The following IGF1 variants were observed in gnomAD, a reference collection of about 807,000 sequenced individuals.
IGF1 encodes the protein insulin like growth factor 1, also known as insulin-like growth factor 1.
Under a neutral mutation model 13.8 loss-of-function variants are expected in IGF1, and 4 were observed. That is an observed-to-expected ratio of 0.29 (90% CI 0.14 to 0.66). The LOEUF is 0.66. Among genes scored for constraint, IGF1 ranks in the 30% least tolerant of loss-of-function variants. The probability of loss-of-function intolerance (pLI) is 0.78; values close to 1 mark genes in which losing one functional copy is unlikely to be tolerated. For synonymous variants in IGF1, 76 were observed against 72.6 expected (o/e 1.05, Z -0.23); for missense variants, 124 against 188.5 (o/e 0.66, Z 2.00).
intron 3 of IGF1, among the ~76,000 whole-genome samples, chr12:102,402,928 A>G (rs1199075284): frequency 1.3e-5 from 2 of 152,212 alleles, no homozygotes; most frequent in Admixed American, 1.3e-4. Context: ...AAAAAAATCA[A>G]TCACATTCTG....
At chr12:102,410,651 G>T (rs1175685728) in intron 3 of IGF1, among the ~76,000 whole-genome samples, 2 of 152,162 alleles carry the variant, frequency 1.3e-5, no homozygotes, top group African/African-American at 2.4e-5. Flanking sequence ...GAGATGTGAG[G>T]CCTAGGGTTT....
At chr12:102,428,202 G>T (rs1876383800) in intron 2 of IGF1, among the ~76,000 whole-genome samples, 1 of 92,372 alleles carries the variant, frequency 1.1e-5, no homozygotes, top group South Asian at 3.8e-4. Context: ...ATATCCAGAT[G>T]GTCATGAACG....
chr12:102,419,322 G>T (rs571593183), intron 3 of IGF1, among the ~76,000 whole-genome samples, 187 bp downstream of exon 3: 2 of 152,276 alleles, frequency 1.3e-5, no homozygotes, highest in East Asian at 1.9e-4. Context: ...CGTCCATAGC[G>T]GTGGGAGGGG....
intron 3 of IGF1, chr12:102,417,997 GC>G: frequency 6.2e-7 from 1 of 1,610,036 alleles, no homozygotes; most frequent in South Asian, 1.1e-5. Flanking sequence ...GTAGATGGGG[GC>G]TGATACTGTA....
At chr12:102,470,000 G>A (rs1317353921) in intron 2 of IGF1, among the ~76,000 whole-genome samples, 4 of 152,110 alleles carry the variant, frequency 2.6e-5, no homozygotes, top group Non-Finnish European at 5.9e-5. Flanking sequence ...GAGAAAATGA[G>A]TGTGTAATTA....
At chr12:102,441,957 T>TCTTCTTCTTCTA (rs71438463) in intron 2 of IGF1, among the ~76,000 whole-genome samples, 2 of 134,680 alleles carry the variant, frequency 1.5e-5, no homozygotes, top group Non-Finnish European at 3.2e-5. Context: ...TTCTTCTTCT[T>TCTTCTTCTTCTA]TTTTTTTTTT....
At chr12:102,434,921 A>G (rs542624825) in intron 2 of IGF1, among the ~76,000 whole-genome samples, 168 of 152,086 alleles carry the variant, frequency 1.1e-3, no homozygotes, top group Middle Eastern at 0.01. Flanking sequence ...TTTTTCATGT[A>G]TTTTTTGGCT....
intron 2 of IGF1, among the ~76,000 whole-genome samples, chr12:102,459,118 A>C (rs1380111765): frequency 6.6e-6 from 1 of 152,180 alleles, no homozygotes; most frequent in Non-Finnish European, 1.5e-5. Context: ...AATTTTAGTA[A>C]AAACACTGTA....
chr12:102,469,325 A>G lies in IGF1; in HGVS notation c.220+6318T>C, dbSNP rs1880545146. Reference sequence around the variant, plus strand: ...TTTGAGAAAGACCAATTAAACAAATAGTTGCAAGTAATGAAGCACTTGAGG... The same window carrying G: ...TTTGAGAAAGACCAATTAAACAAATGGTTGCAAGTAATGAAGCACTTGAGG... On this transcript the variant is annotated intron_variant, in intron 2 of 3. Transcript: ENST00000337514. 3.3e-5 allele frequency among the ~76,000 whole-genome samples: 5 copies of G among 152,208 alleles called. No individual in the cohort carries two copies. In the South Asian group the frequency reaches 1.0e-3, roughly 31 times the overall value.
intron 2 of IGF1, among the ~76,000 whole-genome samples, chr12:102,424,520 G>T (rs1288656491): frequency 1.3e-5 from 2 of 152,032 alleles, no homozygotes; most frequent in Non-Finnish European, 2.9e-5. Context: ...ACTTGGAACG[G>T]TTAGTTTTTT....
chr12:102,451,452 G>A (rs1753380839), intron 2 of IGF1, among the ~76,000 whole-genome samples: 1 of 152,166 alleles, frequency 6.6e-6, no homozygotes, highest in Admixed American at 6.5e-5. Context: ...GTAGGCCTGT[G>A]GACAGTGAGG....
At chr12:102,422,429 T>C (rs371134375) in intron 2 of IGF1, among the ~76,000 whole-genome samples, 8 of 152,328 alleles carry the variant, frequency 5.3e-5, no homozygotes, top group African/African-American at 1.9e-4. Context: ...TGAAGTTTAA[T>C]TCATCTTTTG....
chr12:102,471,389 T>C (rs1171519373), intron 2 of IGF1, among the ~76,000 whole-genome samples: 3 of 152,162 alleles, frequency 2.0e-5, no homozygotes, highest in Non-Finnish European at 2.9e-5. Context: ...CCTGCCAAAC[T>C]CCTACAACTA....
At chr12:102,456,221 G>GGTGTGTGTGT (rs59075811) in intron 2 of IGF1, among the ~76,000 whole-genome samples, 105 of 140,270 alleles carry the variant, frequency 7.5e-4, no homozygotes, top group Middle Eastern at 3.6e-3. Context: ...ATTTAAAAAA[G>GGTGTGTGTGT]GTGTGTGTGT....
At chr12:102,423,911 G>T (rs543808979) in intron 2 of IGF1, among the ~76,000 whole-genome samples, 1 of 152,222 alleles carries the variant, frequency 6.6e-6, no homozygotes, top group South Asian at 2.1e-4. Context: ...TGGCAAAAAT[G>T]GTACTACCTC....
chr12:102,397,115 T>C lies in IGF1; in HGVS notation c.*5392A>G, dbSNP rs1006538400. 3.2e-6 allele frequency: 1 copy of C among 314,376 alleles called. No homozygotes were observed. Among genetic ancestry groups the C allele is most frequent in the Non-Finnish European group, 5.7e-6 (1 of 174,156 alleles). 19.5% of individuals were successfully genotyped at this position (314,376 alleles called of 1,614,324 possible). On this transcript the variant is annotated 3_prime_UTR_variant, in exon 4 of 4. Coordinates refer to ENST00000337514, the MANE Select transcript of IGF1 (RefSeq NM_000618.5). ...TACTCAGGAGGCTGAGGCAGGAGAA[T>C]CGCTTAAACCCAGGAGGTGGAGGTT...
chr12:102,455,974 C>T (rs906455366), intron 2 of IGF1, among the ~76,000 whole-genome samples: 7 of 152,294 alleles, frequency 4.6e-5, no homozygotes, highest in South Asian at 2.1e-4. Context: ...TGCTCAGCAG[C>T]GATGGCTTAT....
At chr12:102,415,163 AT>A (rs1206272144) in intron 3 of IGF1, among the ~76,000 whole-genome samples, 4 of 152,086 alleles carry the variant, frequency 2.6e-5, no homozygotes, top group Non-Finnish European at 5.9e-5. Context: ...AATAGGAATC[AT>A]TTCATCTCAG....
intron 2 of IGF1, among the ~76,000 whole-genome samples, chr12:102,443,985 G>A (rs1037044626): frequency 6.6e-6 from 1 of 151,912 alleles, no homozygotes; most frequent in African/African-American, 2.4e-5. Flanking sequence ...CTGCCACCAT[G>A]TCTGGCTAAT....
Sources: gnomAD v4.1 joint callset for allele counts (sites outside exome capture counted in the v4.1 genomes callset) on GRCh38, gnomAD v4.1.1 for gene constraint, MANE v1.5 for transcripts, NCBI Gene and HGNC (gene_info 2026-07-23, HGNC 2026-07-21) for gene names.